TXNDC8: variants seen among roughly 807,000 people sequenced by gnomAD.
The protein encoded by TXNDC8 is thioredoxin domain-containing protein 8.
A neutral mutation model predicts 12.9 loss-of-function variants in TXNDC8; 15 were observed. That is an observed-to-expected ratio of 1.16 (90% CI 0.78 to 1.79). The LOEUF (loss-of-function observed/expected upper bound fraction) is 1.79. TXNDC8 is among the 40% of genes most tolerant of loss of function. The pLI, the probability that TXNDC8 is intolerant of heterozygous loss-of-function variation, is 0.00. For synonymous variants in TXNDC8, 40 were observed against 35.4 expected, an observed-to-expected ratio of 1.13 and a Z score of -0.46; for missense variants, 128 against 113.2, an observed-to-expected ratio of 1.13 and a Z score of -0.59.
rs139177081 is a variant in TXNDC8 at position 110,304,905 on chromosome 9, C to T, written c.196-373G>A. Among the ~76,000 whole-genome samples, 303 of 152,074 alleles carry T rather than the reference C, an allele frequency of 2.0e-3. 1 individual carries two copies. The highest frequency in any genetic ancestry group is 6.9e-3 in the African/African-American group (286 of 41,490). On this transcript the variant is annotated intron_variant, in intron 3 of 4. Transcript: ENST00000423740. ...GCTCATGCCTGTAATCTGAGCACCT[C>T]GGGAGGCTGAGGTGGGTGGGTCACT...
At chr9:110,308,590 C>G (rs901781282) in intron 3 of TXNDC8, among the ~76,000 whole-genome samples, 1 of 151,902 alleles carries the variant, frequency 6.6e-6, no homozygotes, top group African/African-American at 2.4e-5. Flanking sequence ...TCTAATTTGG[C>G]TAAAATTCCT....
intron 3 of TXNDC8, among the ~76,000 whole-genome samples, chr9:110,315,524 A>G (rs7849915): frequency 0.031 from 4,787 of 152,278 alleles, 236 homozygotes; most frequent in African/African-American, 0.11. Flanking sequence ...AAGAGTACCA[A>G]TTAGACTTTA....
At position 110,326,297 on chromosome 9, in the gene TXNDC8, A is replaced by G. The variant is rs1839315699; in HGVS notation, c.130-57T>C. ...AGTATTGGTGTCCTCTCTCTGTACCAAGCATGTTATTTGGTAACTTTTTAG... is the reference window on the plus strand; with the variant it reads ...AGTATTGGTGTCCTCTCTCTGTACCGAGCATGTTATTTGGTAACTTTTTAG... On this transcript the variant is annotated intron_variant, in intron 2 of 4. Transcript: ENST00000423740. 3 of 1,581,358 alleles carry G rather than the reference A, an allele frequency of 1.9e-6. No individual in the cohort carries two copies. The South Asian group carries it at 3.4e-5, about 18-fold the overall frequency.
chr9:110,329,357 G>T (rs1183491118), intron 2 of TXNDC8, 66 bp from the exon 3 acceptor site: 4 of 1,288,166 alleles, frequency 3.1e-6, no homozygotes, highest in Admixed American at 2.1e-5. Context: ...CACTGGAAGT[G>T]TCTTTTCAGT....
At chr9:110,311,695 T>TATATAC (rs71373981) in intron 3 of TXNDC8, among the ~76,000 whole-genome samples, 3 of 134,784 alleles carry the variant, frequency 2.2e-5, no homozygotes, top group Non-Finnish European at 4.7e-5. Context: ...TATATATATA[T>TATATAC]ACATGGATAT....
chr9:110,304,449 T>C lies in TXNDC8; in HGVS notation c.261+18A>G. The stretch of plus-strand genomic sequence containing the variant: ...AAACCCCAGATTTCTAACTCTAACT[T>C]GATCCCATTTCACTTACCAGGTTGC... On this transcript the variant is annotated intron_variant, in intron 4 of 4. Transcript: ENST00000423740. 1 of 1,604,978 alleles carries C rather than the reference T, an allele frequency of 6.2e-7. No individual in the cohort carries two copies. Among genetic ancestry groups the C allele is most frequent in the Non-Finnish European group, 8.5e-7 (1 of 1,173,772 alleles).
intron 3 of TXNDC8, among the ~76,000 whole-genome samples, chr9:110,305,578 CTTTCTTTCTTTCTTTCTTTCTTTCTT>C (rs1230151427): frequency 3.1e-4 from 44 of 139,996 alleles, no homozygotes; most frequent in African/African-American, 1.2e-3. Flanking sequence ...TTCTTTCTTT[CTTTCTTTCTTTCTTTCTTTCTTTCTT>C]TCTTTCTTTT....
intron 3 of TXNDC8, among the ~76,000 whole-genome samples, chr9:110,306,762 C>G (rs952469894): frequency 2.0e-5 from 3 of 152,128 alleles, no homozygotes; most frequent in Admixed American, 2.0e-4. Context: ...GTCATCTTTT[C>G]TCACTTGCTA....
chr9:110,311,138 C>T (rs1838647397), intron 3 of TXNDC8, among the ~76,000 whole-genome samples: 1 of 152,090 alleles, frequency 6.6e-6, no homozygotes, highest in Non-Finnish European at 1.5e-5. Flanking sequence ...TCAGTTAGGT[C>T]AGATCTGTTT....
At chr9:110,333,528 T>C (rs1839624004) in intron 2 of TXNDC8, among the ~76,000 whole-genome samples, 3 of 152,258 alleles carry the variant, frequency 2.0e-5, no homozygotes, top group South Asian at 2.1e-4. Flanking sequence ...CATTAGGGTG[T>C]TGCACACTTA....
At chr9:110,303,068 A>G (rs1162536560), downstream of TXNDC8, among the ~76,000 whole-genome samples, 2 of 152,150 alleles carry the variant, frequency 1.3e-5, no homozygotes, top group Non-Finnish European at 2.9e-5. Context: ...TCTCAAAAAA[A>G]AAAAATGATG....
chr9:110,328,593 G>T (rs1252596032), intron 2 of TXNDC8, among the ~76,000 whole-genome samples: 1 of 152,182 alleles, frequency 6.6e-6, no homozygotes, highest in African/African-American at 2.4e-5. Flanking sequence ...GATCACCTGA[G>T]GTTGGGAGTT....
chr9:110,316,761 A>G (rs1192036975), intron 3 of TXNDC8, among the ~76,000 whole-genome samples: 1 of 152,218 alleles, frequency 6.6e-6, no homozygotes, highest in Non-Finnish European at 1.5e-5. Context: ...CGTTGGTGGC[A>G]TAAATAATGC....
intron 2 of TXNDC8, among the ~76,000 whole-genome samples, chr9:110,327,468 G>A (rs13284095): frequency 0.15 from 22,542 of 151,728 alleles, 2,110 homozygotes; most frequent in Middle Eastern, 0.29. Context: ...GATTACAGGT[G>A]TGCATCATCA....
intron 2 of TXNDC8, among the ~76,000 whole-genome samples, chr9:110,333,769 G>A (rs1012432165): frequency 6.6e-6 from 1 of 152,154 alleles, no homozygotes; most frequent in African/African-American, 2.4e-5. Context: ...CAATAAAGCT[G>A]TAGGAAAAAT....
chr9:110,326,280 T>A, intron 2 of TXNDC8, 40 bp from the exon 4 acceptor site: 1 of 1,607,398 alleles, frequency 6.2e-7, no homozygotes, highest in East Asian at 2.2e-5. Context: ...ACAGTATTGG[T>A]GTCCTCTCTC....
chr9:110,309,147 G>A (rs2118718048), intron 3 of TXNDC8, among the ~76,000 whole-genome samples: 1 of 151,658 alleles, frequency 6.6e-6, no homozygotes, highest in East Asian at 1.9e-4. Context: ...AATTAATCTT[G>A]ATTTGGCTTG....
At chr9:110,304,395 G>A in intron 4 of TXNDC8, 72 bp downstream of exon 5, 2 of 1,378,726 alleles carry the variant, frequency 1.5e-6, no homozygotes, top group South Asian at 2.5e-5. Flanking sequence ...TTCTGCCTGA[G>A]TGTGTCATTA....
At chr9:110,320,106 A>G (rs781385797) in intron 3 of TXNDC8, among the ~76,000 whole-genome samples, 1 of 152,192 alleles carries the variant, frequency 6.6e-6, no homozygotes, top group Non-Finnish European at 1.5e-5. Context: ...GATGGAGTCA[A>G]CTTTTGATGG....
Sources: allele counts gnomAD v4.1 joint callset (sites outside exome capture counted in the v4.1 genomes callset), GRCh38; gene constraint gnomAD v4.1.1; transcripts MANE v1.5; gene names NCBI Gene and HGNC (gene_info 2026-07-23, HGNC 2026-07-21).